Variants in PLA2G6 observed in about 807,000 individuals in gnomAD.
PLA2G6 encodes phospholipase A2 group VI.
In PLA2G6, 62 loss-of-function variants were observed where a neutral mutation model predicts 83.8. The observed-to-expected ratio is 0.74, with a 90% confidence interval of 0.60 to 0.91. The LOEUF (loss-of-function observed/expected upper bound fraction) is 0.91. Among genes scored for constraint, PLA2G6 ranks in the 40% least tolerant of loss-of-function variants. The pLI, the probability that PLA2G6 is intolerant of heterozygous loss-of-function variation, is 0.00. For missense variants in PLA2G6, 944 were observed against 1,102.0 expected, an observed-to-expected ratio of 0.86 and a Z score of 2.03; for synonymous variants, 417 against 449.8, an observed-to-expected ratio of 0.93 and a Z score of 0.92.
intron 11 of PLA2G6, among the ~76,000 whole-genome samples, chr22:38,122,466 A>C (rs1202718142): frequency 6.6e-6 from 1 of 152,166 alleles, no homozygotes; most frequent in Non-Finnish European, 1.5e-5. Context: ...CTATCTGTCC[A>C]GCAAGCCAGG....
chr22:38,114,688 TCTGCCCAGAGCCTCTGCTGCG>T (rs1205999187), intron 14 of PLA2G6, among the ~76,000 whole-genome samples: 1 of 152,150 alleles, frequency 6.6e-6, no homozygotes, highest in Non-Finnish European at 1.5e-5. Context: ...CGCTTCTCTG[TCTGCCCAGAGCCTCTGCTGCG>T]CTGCCCAGGA....
At chr22:38,173,480 T>C (rs1272569461) in intron 1 of PLA2G6, among the ~76,000 whole-genome samples, 1 of 152,106 alleles carries the variant, frequency 6.6e-6, no homozygotes, top group Non-Finnish European at 1.5e-5. Flanking sequence ...CAATTCTGCC[T>C]GTCCAAGCCA....
At chr22:38,141,152 C>G (rs3891103) in intron 4 of PLA2G6, 65,005 of 151,404 alleles carry the variant, frequency 0.43, 14,218 homozygotes, top group South Asian at 0.56. Context: ...CAAGATCGCG[C>G]CACTGCACTC....
chr22:38,126,376 C>T lies in PLA2G6; in HGVS notation c.1422G>A (p.Lys474=). Reference sequence around the variant, plus strand: ...CCCGATCTCGATCCACTTACGTCCGCTTCTCGTCCCTCATGGAGCCCAGGA... The same window carrying T: ...CCCGATCTCGATCCACTTACGTCCGTTTCTCGTCCCTCATGGAGCCCAGGA... The part of the protein sequence containing the change: ...AFILGSMRDE[K]RTHDHLLCLD... Residue 474 remains lysine, a synonymous_variant, in exon 10 of 17, where the codon AAG becomes AAA. Transcript: ENST00000332509. 2 of 1,612,824 alleles carry T rather than the reference C, an allele frequency of 1.2e-6. No homozygotes were observed. Among genetic ancestry groups the T allele is most frequent in the African/African-American group, 1.3e-5 (1 of 75,024 alleles).
chr22:38,143,410 A>C, intron 3 of PLA2G6, 122 bp from the exon 4 acceptor site: 36 of 858,416 alleles, frequency 4.2e-5, no homozygotes, highest in Non-Finnish European at 6.5e-5. Flanking sequence ...ATTTGAGCTC[A>C]AGAGCATTCC....
At chr22:38,125,119 C>T (rs1353933636) in intron 10 of PLA2G6, among the ~76,000 whole-genome samples, 1 of 152,146 alleles carries the variant, frequency 6.6e-6, no homozygotes, top group East Asian at 1.9e-4. Flanking sequence ...TGTGTATGTA[C>T]ATGCATGTGT....
chr22:38,149,723 A>AC (rs2089465030), intron 2 of PLA2G6: 1 of 152,250 alleles, frequency 6.6e-6, no homozygotes, highest in Non-Finnish European at 1.5e-5. Flanking sequence ...TGGGTGGATC[A>AC]CCTGAGGTCA....
intron 11 of PLA2G6, among the ~76,000 whole-genome samples, chr22:38,122,280 T>A (rs1462038552): frequency 6.6e-6 from 1 of 151,780 alleles, no homozygotes; most frequent in Non-Finnish European, 1.5e-5. Context: ...CTGGAGAAAA[T>A]GGAATCTGAC....
intron 1 of PLA2G6, among the ~76,000 whole-genome samples, chr22:38,178,666 A>G (rs2090729040): frequency 6.6e-6 from 1 of 152,194 alleles, no homozygotes; most frequent in Non-Finnish European, 1.5e-5. Context: ...AGAGTTCAAG[A>G]CCGGCCTGGC....
intron 3 of PLA2G6, 68 bp downstream of exon 3, chr22:38,145,370 T>C: frequency 7.6e-7 from 1 of 1,318,078 alleles, no homozygotes; most frequent in Non-Finnish European, 1.1e-6. Context: ...AACCGAGGCC[T>C]GCGGCCCCCA....
intron 2 of PLA2G6, among the ~76,000 whole-genome samples, chr22:38,152,535 A>G (rs1223171081): frequency 6.6e-6 from 1 of 150,930 alleles, no homozygotes; most frequent in Admixed American, 6.6e-5. Flanking sequence ...ACAACCAGTT[A>G]ACAACTTATT....
At chr22:38,160,850 A>C (rs912371927) in intron 2 of PLA2G6, among the ~76,000 whole-genome samples, 1 of 152,182 alleles carries the variant, frequency 6.6e-6, no homozygotes, top group Non-Finnish European at 1.5e-5. Context: ...ATCTCAAAAA[A>C]AAAAAGCCTT....
intron 6 of PLA2G6, chr22:38,134,761 T>A (rs1452752115): frequency 1.8e-6 from 1 of 560,334 alleles, no homozygotes; most frequent in Non-Finnish European, 3.2e-6. Flanking sequence ...GCAGAATTCA[T>A]GGATGAGGAA....
At chr22:38,129,885 G>T (rs1308892164) in intron 7 of PLA2G6, among the ~76,000 whole-genome samples, 2 of 152,242 alleles carry the variant, frequency 1.3e-5, no homozygotes, top group Non-Finnish European at 2.9e-5. Flanking sequence ...CGACCCAGGA[G>T]CCATGGGGAC....
chr22:38,127,232 C>A, intron 9 of PLA2G6: 2 of 1,204,014 alleles, frequency 1.7e-6, no homozygotes, highest in Non-Finnish European at 2.1e-6. Context: ...CCCCAGGGCA[C>A]ACGGCTCCAC....
In PLA2G6 at chr22:38,115,650, G is replaced by A. The variant is rs1034806198; in HGVS notation, c.1911C>T (p.Ser637=). ...DQLVWRAARS[S]GAAPTYFRPN... is the part of the protein sequence containing the mutation. ...GTCGGAAGTAAGTAGGAGCTGCCCC[G>A]CTGCTTCGGGCCGCCCGCCACACCA... The change falls in exon 14 of 17, where the codon AGC becomes AGT. Residue 637 remains serine, a synonymous_variant. Transcript: ENST00000332509. The A allele has an allele frequency of 1.3e-5, 20 of 1,573,048 alleles. No homozygotes were observed. Among genetic ancestry groups the A allele is most frequent in the African/African-American group, 6.8e-5 (5 of 74,010 alleles).
chr22:38,153,702 A>G (rs2089667666), intron 2 of PLA2G6, among the ~76,000 whole-genome samples: 1 of 152,146 alleles, frequency 6.6e-6, no homozygotes, highest in African/African-American at 2.4e-5. Context: ...GGAAAACCAA[A>G]TTGAACTATA....
intron 10 of PLA2G6, chr22:38,125,616 T>C (rs902339969): frequency 2.1e-6 from 1 of 467,308 alleles, no homozygotes; most frequent in African/African-American, 2.0e-5. Flanking sequence ...GACCCGGCTG[T>C]GAGTTGCCAC....
chr22:38,174,267 G>A (rs370857352), intron 1 of PLA2G6, among the ~76,000 whole-genome samples: 3 of 152,064 alleles, frequency 2.0e-5, no homozygotes, highest in Admixed American at 1.3e-4. Context: ...GCGTGGTGGC[G>A]GGTGCCTGTA....
Sources: allele counts gnomAD v4.1 joint callset (sites outside exome capture counted in the v4.1 genomes callset), GRCh38; gene constraint gnomAD v4.1.1; transcripts MANE v1.5; gene names NCBI Gene and HGNC (gene_info 2026-07-23, HGNC 2026-07-21).